GXYLT2: variants seen among roughly 807,000 people sequenced by gnomAD.
GXYLT2 encodes the protein glycosyltransferase 8 domain containing 4.
In GXYLT2, 53 loss-of-function variants were observed where a neutral mutation model predicts 45.8. The observed-to-expected ratio is 1.16, with a 90% CI of 0.93 to 1.46. GXYLT2 has a LOEUF of 1.46. Ranked by LOEUF, GXYLT2 falls within the 40% of genes most tolerant of loss-of-function variation. GXYLT2 has a pLI of 0.00. For missense variants in GXYLT2, 551 were observed against 544.4 expected, an observed-to-expected ratio of 1.01 and a Z score of -0.12; for synonymous variants, 219 against 214.2, an observed-to-expected ratio of 1.02 and a Z score of -0.19.
At chr3:72,946,796 T>C (rs965885291) in intron 3 of GXYLT2, among the ~76,000 whole-genome samples, 6 of 152,204 alleles carry the variant, frequency 3.9e-5, no homozygotes, top group Admixed American at 1.3e-4. Context: ...ATGATTCCTT[T>C]GTTAAATTAG....
intron 1 of GXYLT2, among the ~76,000 whole-genome samples, chr3:72,903,860 G>T (rs1341577510): frequency 6.6e-6 from 1 of 152,176 alleles, no homozygotes; most frequent in African/African-American, 2.4e-5. Flanking sequence ...TTGCTAAGTT[G>T]TAAGTTTGTT....
intron 1 of GXYLT2, among the ~76,000 whole-genome samples, chr3:72,906,133 C>A (rs2107077126): frequency 6.6e-6 from 1 of 152,284 alleles, no homozygotes; most frequent in Non-Finnish European, 1.5e-5. Context: ...TCTTTAACAT[C>A]TCCACATCCC....
Position 72,888,525 on chromosome 3 carries a change from C to G in GXYLT2, c.275+17C>G. 8.3e-7 allele frequency: 1 copy of G among 1,211,110 alleles called. No individual in the cohort carries two copies. Among genetic ancestry groups the G allele is most frequent in the Non-Finnish European group, 1.0e-6 (1 of 971,108 alleles). The allele number at this position is 1,211,110 out of a possible 1,614,324, so 75.0% of individuals were successfully genotyped here. On this transcript the variant is annotated intron_variant, in intron 1 of 6. Coordinates refer to ENST00000389617, the MANE Select transcript of GXYLT2 (RefSeq NM_001080393.2). ...GTTGGCGAGGTGAGTCGTGGCAACC[C>G]CAGAATCCCATCTGCGGACCCGTGT...
At chr3:72,912,007 ATATATAT>A (rs1575784133) in intron 2 of GXYLT2, among the ~76,000 whole-genome samples, 1 of 125,020 alleles carries the variant, frequency 8.0e-6, no homozygotes, top group African/African-American at 4.0e-5. Flanking sequence ...ATATATATAT[ATATATAT>A]TTTTTTTTTT....
At chr3:72,892,009 A>G (rs531169692) in intron 1 of GXYLT2, among the ~76,000 whole-genome samples, 1 of 152,336 alleles carries the variant, frequency 6.6e-6, no homozygotes, top group South Asian at 2.1e-4. Context: ...CCTTGAGCCT[A>G]CATACAGAAA....
At chr3:72,953,434 C>T (rs188423719) in intron 3 of GXYLT2, among the ~76,000 whole-genome samples, 41 of 152,118 alleles carry the variant, frequency 2.7e-4, no homozygotes, top group African/African-American at 9.4e-4. Context: ...GGACTATAGA[C>T]GCATGCCACC....
intron 3 of GXYLT2, among the ~76,000 whole-genome samples, chr3:72,934,325 G>T (rs1289390214): frequency 6.6e-6 from 1 of 151,792 alleles, no homozygotes; most frequent in Non-Finnish European, 1.5e-5. Context: ...GGCTCAAGCA[G>T]TCTGCCCGCC....
intron 2 of GXYLT2, among the ~76,000 whole-genome samples, chr3:72,916,799 G>C (rs184554796): frequency 1.3e-5 from 2 of 151,676 alleles, no homozygotes; most frequent in Admixed American, 1.3e-4. Context: ...TAGGATTACA[G>C]ATGTGAGCCA....
Position 72,967,604 on chromosome 3 carries a change from G to C in GXYLT2, c.1034G>C (p.Gly345Ala), listed in dbSNP as rs748906124. Residue 345 changes from glycine (G) to alanine (A), a missense_variant, in exon 6 of 7, where the codon GGA becomes GCA. Transcript: ENST00000389617. Reference sequence around the variant, plus strand: ...TACCGTCCCGATCACTGCATGTACGGAAGCAACTGCAGAGAGGCTGAGCAT... The same window carrying C: ...TACCGTCCCGATCACTGCATGTACGCAAGCAACTGCAGAGAGGCTGAGCAT... ...WNYRPDHCMY[G>A]SNCREAEHEG... is the part of the protein sequence containing the mutation. 1 of 1,613,736 alleles carries C rather than the reference G, an allele frequency of 6.2e-7. No individual in the cohort carries two copies. Among genetic ancestry groups the C allele is most frequent in the Non-Finnish European group, 8.5e-7 (1 of 1,179,678 alleles).
At chr3:72,942,276 A>G (rs1279616142) in intron 3 of GXYLT2, among the ~76,000 whole-genome samples, 2 of 152,084 alleles carry the variant, frequency 1.3e-5, no homozygotes, top group Non-Finnish European at 2.9e-5. Flanking sequence ...AAAAAAATAA[A>G]TACATAACTG....
chr3:72,938,343 ATATAACT>A (rs1178542323), intron 3 of GXYLT2, among the ~76,000 whole-genome samples: 1 of 152,228 alleles, frequency 6.6e-6, no homozygotes. Context: ...GGATTTAAAG[ATATAACT>A]TATAAAAGTG....
At chr3:72,963,428 G>C (rs1202549402) in intron 5 of GXYLT2, among the ~76,000 whole-genome samples, 2 of 151,870 alleles carry the variant, frequency 1.3e-5, no homozygotes, top group Non-Finnish European at 2.9e-5. Flanking sequence ...CGAAACTCTG[G>C]CTGGGCACAG....
chr3:72,896,491 G>A (rs1709293744), intron 1 of GXYLT2, among the ~76,000 whole-genome samples: 1 of 152,126 alleles, frequency 6.6e-6, no homozygotes, highest in South Asian at 2.1e-4. Context: ...TGAGGAAACT[G>A]AGACTCAGCT....
At chr3:72,898,030 T>G (rs1709325929) in intron 1 of GXYLT2, among the ~76,000 whole-genome samples, 1 of 152,218 alleles carries the variant, frequency 6.6e-6, no homozygotes, top group African/African-American at 2.4e-5. Flanking sequence ...TGGGTATAAC[T>G]CTGGAAGACA....
intron 3 of GXYLT2, among the ~76,000 whole-genome samples, chr3:72,954,663 A>C (rs1488584032): frequency 1.3e-5 from 2 of 150,904 alleles, no homozygotes; most frequent in Non-Finnish European, 3.0e-5. Context: ...TAAATAAATA[A>C]ATAAATAAAT....
At chr3:72,961,673 AAAG>A (rs1216436222) in intron 5 of GXYLT2, among the ~76,000 whole-genome samples, 6 of 145,738 alleles carry the variant, frequency 4.1e-5, no homozygotes, top group South Asian at 2.2e-4. Flanking sequence ...AAAAAAAAAA[AAAG>A]AGAGAGAGAG....
chr3:72,945,122 CA>C (rs35015597), intron 3 of GXYLT2, among the ~76,000 whole-genome samples: 358 of 136,490 alleles, frequency 2.6e-3, no homozygotes, highest in African/African-American at 6.9e-3. Context: ...ACTAAAACTA[CA>C]AAAAAAAAAA....
At chr3:72,911,856 C>T (rs963759095) in intron 2 of GXYLT2, among the ~76,000 whole-genome samples, 1 of 151,472 alleles carries the variant, frequency 6.6e-6, no homozygotes, top group Non-Finnish European at 1.5e-5. Flanking sequence ...CATCCTTGAA[C>T]GCCTGGGCTC....
At chr3:72,955,039 T>C in intron 3 of GXYLT2, 59 bp from the exon 4 acceptor site, 2 of 1,569,914 alleles carry the variant, frequency 1.3e-6, no homozygotes, top group Non-Finnish European at 1.7e-6. Context: ...GTTTCTGACC[T>C]GTTTTTGTTT....
Sources: allele counts gnomAD v4.1 joint callset (sites outside exome capture counted in the v4.1 genomes callset), GRCh38; gene constraint gnomAD v4.1.1; transcripts MANE v1.5; gene names NCBI Gene and HGNC (gene_info 2026-07-23, HGNC 2026-07-21).